B3GALT1: variants seen among roughly 807,000 people sequenced by gnomAD.
The protein encoded by B3GALT1 is UDP-Gal:betaGlcNAc beta 1,3-galactosyltransferase, polypeptide 1.
Under a neutral mutation model 23.2 loss-of-function variants are expected in B3GALT1, and 10 were observed. The ratio of observed to expected loss-of-function variants is 0.43; its 90% confidence interval spans 0.27 to 0.73. The LOEUF (loss-of-function observed/expected upper bound fraction) is 0.73, where lower values mean the gene tolerates loss of function less well. B3GALT1 is among the 30% of genes least tolerant of loss of function. The pLI is 0.21. For synonymous variants in B3GALT1, 156 were observed against 141.5 expected, an observed-to-expected ratio of 1.10 and a Z score of -0.73; for missense variants, 299 against 405.4, an observed-to-expected ratio of 0.74 and a Z score of 2.25.
chr2:167,635,386 A>G (rs1039308824), intron 2 of B3GALT1, among the ~76,000 whole-genome samples: 1 of 152,080 alleles, frequency 6.6e-6, no homozygotes, highest in Admixed American at 6.6e-5. Flanking sequence ...AGCGTATTCA[A>G]ATAGAAAGAA....
chr2:167,487,144 A>G (rs999107051), intron 1 of B3GALT1, among the ~76,000 whole-genome samples: 1 of 152,178 alleles, frequency 6.6e-6, no homozygotes, highest in Non-Finnish European at 1.5e-5. Context: ...AAATCTGACC[A>G]TGTTTTCTGA....
chr2:167,419,534 A>G (rs1023278045), intron 1 of B3GALT1, among the ~76,000 whole-genome samples: 2 of 152,202 alleles, frequency 1.3e-5, no homozygotes, highest in African/African-American at 4.8e-5. Flanking sequence ...ACATCATTAC[A>G]TTGTCATAGG....
At chr2:167,596,769 T>G (rs906061602) in intron 2 of B3GALT1, among the ~76,000 whole-genome samples, 1 of 152,196 alleles carries the variant, frequency 6.6e-6, no homozygotes, top group African/African-American at 2.4e-5. Flanking sequence ...AAAGGAAACG[T>G]AGATGGCACA....
At chr2:167,586,287 G>GA (rs35720465) in intron 2 of B3GALT1, among the ~76,000 whole-genome samples, 1 of 152,006 alleles carries the variant, frequency 6.6e-6, no homozygotes, top group Non-Finnish European at 1.5e-5. Context: ...GCCCAATAAT[G>GA]AAAAAAGTCA....
In B3GALT1 at chr2:167,409,557, G is replaced by T. The variant is rs1452050792; in HGVS notation, c.-510-80620G>T. On this transcript the variant is annotated intron_variant, in intron 1 of 4. Coordinates refer to ENST00000392690, the MANE Select transcript of B3GALT1 (RefSeq NM_020981.4). ...TTGATTGATTTGGCTGTTGATACTTGTGTATGCTTCACTAATTTCTTGTGC... is the reference window on the plus strand; with the variant it reads ...TTGATTGATTTGGCTGTTGATACTTTTGTATGCTTCACTAATTTCTTGTGC... Among the ~76,000 whole-genome samples, 3 of 151,812 alleles carry T rather than the reference G, an allele frequency of 2.0e-5. No individual in the cohort carries two copies. The East Asian group carries it at 5.8e-4, about 30-fold the overall frequency.
At chr2:167,488,204 A>C (rs1386401277) in intron 1 of B3GALT1, among the ~76,000 whole-genome samples, 2 of 152,214 alleles carry the variant, frequency 1.3e-5, no homozygotes, top group African/African-American at 4.8e-5. Context: ...CTCAGCAAAC[A>C]CCAATATTTT....
At chr2:167,661,970 A>G (rs1686067529) in intron 3 of B3GALT1, among the ~76,000 whole-genome samples, 1 of 152,048 alleles carries the variant, frequency 6.6e-6, no homozygotes, top group South Asian at 2.1e-4. Context: ...TTCTGTAAAG[A>G]GAAATAAAAC....
intron 2 of B3GALT1, among the ~76,000 whole-genome samples, chr2:167,518,813 G>A (rs535954526): frequency 5.9e-5 from 9 of 152,228 alleles, no homozygotes; most frequent in Admixed American, 5.2e-4. Flanking sequence ...CCTTACCCCA[G>A]GAATGTATCT....
chr2:167,706,029 GT>G (rs1686962421), intron 3 of B3GALT1, among the ~76,000 whole-genome samples: 1 of 152,314 alleles, frequency 6.6e-6, no homozygotes, highest in South Asian at 2.1e-4. Flanking sequence ...AGCAATCTAG[GT>G]TTGGGATTTT....
chr2:167,659,255 G>A (rs1009074364), intron 3 of B3GALT1, among the ~76,000 whole-genome samples: 2 of 151,714 alleles, frequency 1.3e-5, no homozygotes, highest in African/African-American at 2.4e-5. Context: ...TTTGGTGGTG[G>A]GGAGGGGTGT....
chr2:167,782,071 G>T (rs1688255832), intron 3 of B3GALT1, among the ~76,000 whole-genome samples: 1 of 152,148 alleles, frequency 6.6e-6, no homozygotes, highest in Non-Finnish European at 1.5e-5. Context: ...TTGTGATGGG[G>T]GAAGCCAGAG....
At chr2:167,622,665 A>T (rs901704593) in intron 2 of B3GALT1, among the ~76,000 whole-genome samples, 3 of 152,136 alleles carry the variant, frequency 2.0e-5, no homozygotes, top group African/African-American at 7.2e-5. Flanking sequence ...GTACATTTTA[A>T]TATCTCTAAA....
chr2:167,357,152 C>T (rs961416934), intron 1 of B3GALT1, among the ~76,000 whole-genome samples: 12 of 151,918 alleles, frequency 7.9e-5, no homozygotes, highest in Middle Eastern at 3.2e-3. Context: ...GTGTATAATA[C>T]ATAACAATAT....
intron 2 of B3GALT1, among the ~76,000 whole-genome samples, chr2:167,646,261 G>T (rs1685747285): frequency 6.6e-6 from 1 of 152,132 alleles, no homozygotes; most frequent in Non-Finnish European, 1.5e-5. Context: ...CAGCAGGTTG[G>T]GTAAAGGAAG....
chr2:167,327,926 C>A (rs891235994), intron 1 of B3GALT1, among the ~76,000 whole-genome samples: 1 of 152,276 alleles, frequency 6.6e-6, no homozygotes, highest in East Asian at 1.9e-4. Context: ...GAATTTTTAT[C>A]ATGACGTGAT....
At chr2:167,479,914 A>G (rs1364233188) in intron 1 of B3GALT1, among the ~76,000 whole-genome samples, 1 of 152,130 alleles carries the variant, frequency 6.6e-6, no homozygotes, top group Non-Finnish European at 1.5e-5. Flanking sequence ...TTAGCTGGGG[A>G]ACCAATTTTC....
chr2:167,578,007 CAAA>C (rs1037459745), intron 2 of B3GALT1, among the ~76,000 whole-genome samples: 3 of 151,828 alleles, frequency 2.0e-5, no homozygotes, highest in African/African-American at 7.3e-5. Context: ...ATAAAGCAAT[CAAA>C]AATTTTTTTT....
chr2:167,568,718 T>A (rs1684225576), intron 2 of B3GALT1, among the ~76,000 whole-genome samples: 1 of 152,074 alleles, frequency 6.6e-6, no homozygotes, highest in Admixed American at 6.6e-5. Flanking sequence ...AGGGAAGTTT[T>A]AAATTTTCAT....
chr2:167,649,901 CTT>C (rs1685828753), intron 3 of B3GALT1, among the ~76,000 whole-genome samples: 1 of 151,838 alleles, frequency 6.6e-6, no homozygotes, highest in Non-Finnish European at 1.5e-5. Context: ...GTTTGAATGT[CTT>C]TTATTTCTTT....
Sources: gnomAD v4.1 joint callset for allele counts (sites outside exome capture counted in the v4.1 genomes callset) on GRCh38, gnomAD v4.1.1 for gene constraint, MANE v1.5 for transcripts, NCBI Gene and HGNC (gene_info 2026-07-23, HGNC 2026-07-21) for gene names.